The following CDH3 variants were observed in gnomAD, a reference collection of about 807,000 sequenced individuals.
CDH3 encodes the protein cadherin-3.
In CDH3, 54 loss-of-function variants were observed where a neutral mutation model predicts 82.0. That is an observed-to-expected ratio of 0.66 (90% CI 0.53 to 0.83). The LOEUF is 0.83. CDH3 is among the 40% of genes least tolerant of loss of function. CDH3 has a pLI of 0.00. For synonymous variants in CDH3, 446 were observed against 437.9 expected (o/e 1.02, Z -0.23); for missense variants, 1,054 against 1,084.6 (o/e 0.97, Z 0.40).
At chr16:68,658,216 A>T (rs902315999) in intron 2 of CDH3, among the ~76,000 whole-genome samples, 1 of 151,718 alleles carries the variant, frequency 6.6e-6, no homozygotes, top group African/African-American at 2.4e-5. Context: ...TTTTATAGAG[A>T]AGCTAGAACT....
chr16:68,690,646 C>T lies in CDH3; in HGVS notation c.1796-1074C>T, dbSNP rs974925065. ...ATTGAAGGCCGGGCACCGTGGCTCA[C>T]GCCTGTAATCCCAGCACTCTGGGAG... On this transcript the variant is annotated intron_variant, in intron 12 of 15. Coordinates refer to ENST00000264012, the MANE Select transcript of CDH3 (RefSeq NM_001793.6). Among the ~76,000 whole-genome samples, 50 of 149,408 alleles carry T rather than the reference C, an allele frequency of 3.3e-4. 1 individual carries two copies. The highest frequency in any genetic ancestry group is 2.0e-3 in the Admixed American group (30 of 14,954).
intron 2 of CDH3, among the ~76,000 whole-genome samples, chr16:68,675,289 C>T (rs575416921): frequency 8.5e-5 from 13 of 152,250 alleles, no homozygotes; most frequent in Admixed American, 5.2e-4. Context: ...GGCGTGGGGC[C>T]GTCCTTGTGG....
intron 2 of CDH3, among the ~76,000 whole-genome samples, chr16:68,660,861 A>G (rs1960550417): frequency 6.6e-6 from 1 of 151,884 alleles, no homozygotes; most frequent in Non-Finnish European, 1.5e-5. Context: ...TGGGAGGCTG[A>G]GGCAGGAGAA....
In CDH3 at chr16:68,645,442, C is replaced by T. The variant is rs745349533; in HGVS notation, c.45+18C>T. ...TTCTCCAGGTACTCCACAGCCTCGC[C>T]GTGGCCCCGACCGGGACCGCTCCCT... is the stretch of plus-strand genomic sequence containing the variant. On this transcript the variant is annotated intron_variant, in intron 1 of 15. Coordinates refer to ENST00000264012, the MANE Select transcript of CDH3 (RefSeq NM_001793.6). 1.2e-6 allele frequency: 2 copies of T among 1,612,250 alleles called. No individual in the cohort carries two copies. The highest frequency in any genetic ancestry group is 1.7e-6 in the Non-Finnish European group (2 of 1,179,104).
intron 2 of CDH3, among the ~76,000 whole-genome samples, chr16:68,648,477 C>T (rs565574549): frequency 2.0e-5 from 3 of 148,750 alleles, no homozygotes; most frequent in Admixed American, 6.7e-5. Flanking sequence ...GATAGGGTAT[C>T]GCTCTGTCAC....
At chr16:68,660,679 C>T (rs1374003770) in intron 2 of CDH3, among the ~76,000 whole-genome samples, 3 of 152,156 alleles carry the variant, frequency 2.0e-5, no homozygotes, top group Non-Finnish European at 2.9e-5. Flanking sequence ...CACAAATAGG[C>T]TGGGCGCTGG....
At chr16:68,646,697 T>C (rs1016821815) in intron 2 of CDH3, among the ~76,000 whole-genome samples, 4 of 152,178 alleles carry the variant, frequency 2.6e-5, no homozygotes, top group Non-Finnish European at 1.5e-5. Context: ...GGTATAACCC[T>C]GGATCCTTGG....
chr16:68,681,230 C>A, intron 8 of CDH3, 134 bp downstream of exon 8: 1 of 889,718 alleles, frequency 1.1e-6, no homozygotes, highest in Non-Finnish European at 1.8e-6. Context: ...CTTAGGAAAA[C>A]TACCTAACCT....
downstream of CDH3, among the ~76,000 whole-genome samples, chr16:68,702,590 A>G (rs964913667): frequency 1.3e-5 from 2 of 152,144 alleles, no homozygotes; most frequent in African/African-American, 2.4e-5. Context: ...AGCTTTGGCC[A>G]GGTGTGGCTC....
In CDH3 at chr16:68,698,304, C is replaced by T. The variant is rs200306462; in HGVS notation, c.2394C>T (p.Ser798=). The change falls in exon 16 of 16, where the codon TCC becomes TCT. Residue 798 remains serine, a synonymous_variant. Coordinates refer to ENST00000264012, the MANE Select transcript of CDH3 (RefSeq NM_001793.6). ...DAASLSSLTS[S]ASDQDQDYDY... Reference sequence around the variant, plus strand: ...CGTCCCTGAGCTCCCTCACCTCCTCCGCCTCCGACCAAGACCAAGATTACG... The same window carrying T: ...CGTCCCTGAGCTCCCTCACCTCCTCTGCCTCCGACCAAGACCAAGATTACG... 54 of 1,614,134 alleles carry T rather than the reference C, an allele frequency of 3.3e-5. No homozygotes were observed. The highest frequency in any genetic ancestry group is 4.2e-5 in the Non-Finnish European group (50 of 1,180,046).
chr16:68,678,723 G>C, intron 5 of CDH3, 39 bp from the exon 6 acceptor site: 6 of 1,614,088 alleles, frequency 3.7e-6, no homozygotes, highest in Non-Finnish European at 5.1e-6. Context: ...TGGTGAGGTG[G>C]GTGGCACCGG....
At position 68,687,512 on chromosome 16, in the gene CDH3, G is replaced by A. The variant is rs774636297; in HGVS notation, c.1571G>A (p.Gly524Glu). Residue 524 changes from glycine (G) to glutamate (E), a missense_variant and splice_region_variant, in exon 12 of 16, where the codon GGA becomes GAA. By Grantham distance (98) the Gly-to-Glu change is moderately conservative (BLOSUM62 -2). Transcript: ENST00000264012. Reference sequence around the variant, plus strand: ...TCATCATATGTGTCATTACAAACAGGAAGCCCTCCCACCACTGGCACGGGA... The same window carrying A: ...TCATCATATGTGTCATTACAAACAGAAAGCCCTCCCACCACTGGCACGGGA... ...YEVMVLAMDN[G>E]SPPTTGTGTL... is the part of the protein sequence containing the mutation. 16 of 1,613,694 alleles carry A rather than the reference G, an allele frequency of 9.9e-6. No homozygotes were observed. In the Middle Eastern group the frequency reaches 4.9e-4, roughly 50 times the overall value.
Position 68,648,029 on chromosome 16 carries a change from T to C in CDH3, c.160+2279T>C, listed in dbSNP as rs77527014. Among the ~76,000 whole-genome samples, 46 of 152,298 alleles carry C rather than the reference T, an allele frequency of 3.0e-4. No individual in the cohort carries two copies. The East Asian group carries it at 8.7e-3, about 29-fold the overall frequency. On this transcript the variant is annotated intron_variant, in intron 2 of 15. Coordinates refer to ENST00000264012, the MANE Select transcript of CDH3 (RefSeq NM_001793.6). The stretch of plus-strand genomic sequence containing the variant: ...ATGTGCATCTTCCCCTTCAAAGCCC[T>C]TTTGCAACTCTGAGCTTGCTTTATC...
chr16:68,731,509 CACATAT>C (rs1410256013), downstream of CDH3, among the ~76,000 whole-genome samples: 31 of 44,898 alleles, frequency 6.9e-4, no homozygotes, highest in African/African-American at 1.9e-3. Flanking sequence ...TATACACACA[CACATAT>C]ACACACACAC....
Position 68,677,478 on chromosome 16 carries a change from G to A in CDH3, c.247-656G>A, listed in dbSNP as rs879609877. Reference sequence around the variant, plus strand: ...TCAGGCCGAATGCGGTGGCTCACGCGTGTAATCCCAGCACTTTGGGAGGCC... The same window carrying A: ...TCAGGCCGAATGCGGTGGCTCACGCATGTAATCCCAGCACTTTGGGAGGCC... On this transcript the variant is annotated intron_variant, in intron 3 of 15. Transcript: ENST00000264012. Among the ~76,000 whole-genome samples the A allele has an allele frequency of 1.1e-4, 16 of 152,248 alleles. 1 individual carries two copies. The highest frequency in any genetic ancestry group is 6.2e-4 in the South Asian group (3 of 4,824).
downstream of CDH3, among the ~76,000 whole-genome samples, chr16:68,701,357 C>T (rs1961890783): frequency 6.6e-6 from 1 of 152,104 alleles, no homozygotes; most frequent in South Asian, 2.1e-4. Context: ...GACTCTGATC[C>T]TTAGTGCCTG....
At chr16:68,723,090 A>G (rs1216899053) in intron 2 of CDH3, among the ~76,000 whole-genome samples, 1 of 150,902 alleles carries the variant, frequency 6.6e-6, no homozygotes, top group Non-Finnish European at 1.5e-5. Context: ...TATTTGACAT[A>G]TAAAGAGAAT....
chr16:68,669,103 TC>T, intron 2 of CDH3, among the ~76,000 whole-genome samples: 1 of 152,332 alleles, frequency 6.6e-6, no homozygotes, highest in Admixed American at 6.5e-5. Flanking sequence ...TTCCCTGCCT[TC>T]AGGATTTGAA....
At chr16:68,714,187 G>C (rs1266342131) in intron 1 of CDH3, among the ~76,000 whole-genome samples, 1 of 152,086 alleles carries the variant, frequency 6.6e-6, no homozygotes, top group African/African-American at 2.4e-5. Flanking sequence ...GCCCACCCTG[G>C]CCTCCCAAAG....
Sources: gnomAD v4.1 joint callset for allele counts (sites outside exome capture counted in the v4.1 genomes callset) on GRCh38, gnomAD v4.1.1 for gene constraint, MANE v1.5 for transcripts, NCBI Gene and HGNC (gene_info 2026-07-23, HGNC 2026-07-21) for gene names.